MEGF10: variants seen among roughly 807,000 people sequenced by gnomAD.
The protein encoded by MEGF10 is multiple epidermal growth factor-like domains protein 10.
Under a neutral mutation model 147.5 loss-of-function variants are expected in MEGF10, and 86 were observed. The observed-to-expected ratio is 0.58, with a 90% CI of 0.49 to 0.70. MEGF10 has a LOEUF of 0.70. MEGF10 is among the 30% of genes least tolerant of loss of function. The pLI is 0.00. For synonymous variants in MEGF10, 478 were observed against 525.5 expected (o/e 0.91, Z 1.24); for missense variants, 1,329 against 1,487.3 (o/e 0.89, Z 1.75).
At chr5:127,416,308 T>C (rs538036986) in intron 9 of MEGF10, among the ~76,000 whole-genome samples, 1 of 151,758 alleles carries the variant, frequency 6.6e-6, no homozygotes, top group Non-Finnish European at 1.5e-5. Flanking sequence ...GATTACAAGT[T>C]TGAGCCACCA....
At chr5:127,303,159 A>C (rs1759847524) in intron 1 of MEGF10, among the ~76,000 whole-genome samples, 1 of 152,092 alleles carries the variant, frequency 6.6e-6, no homozygotes, top group South Asian at 2.1e-4. Context: ...CAACATGGCA[A>C]AACCCAGTCT....
chr5:127,397,270 T>C (rs1165811239), intron 6 of MEGF10, among the ~76,000 whole-genome samples: 2 of 152,214 alleles, frequency 1.3e-5, no homozygotes, highest in African/African-American at 4.8e-5. Flanking sequence ...AGATTAACTC[T>C]TAGGGATACA....
chr5:127,458,141 A>T lies in MEGF10; in HGVS notation c.*823A>T, dbSNP rs1272359841. The T allele has an allele frequency of 6.6e-6, 1 of 152,192 alleles. No individual in the cohort carries two copies. Among genetic ancestry groups the T allele is most frequent in the Non-Finnish European group, 1.5e-5 (1 of 68,034 alleles). The allele number at this position is 152,192 out of a possible 1,614,324, so 9.4% of individuals were successfully genotyped here. ...ATAACATATCAATAGTTATTTCATA[A>T]ATATAGAAATGAAATAATTTTATTT... On this transcript the variant is annotated 3_prime_UTR_variant, in exon 25 of 25. Coordinates refer to ENST00000503335, the MANE Select transcript of MEGF10 (RefSeq NM_001256545.2).
intron 11 of MEGF10, 102 bp from the exon 12 acceptor site, chr5:127,419,942 C>T: frequency 7.5e-7 from 1 of 1,339,028 alleles, no homozygotes; most frequent in South Asian, 1.4e-5. Context: ...CTGGGGCTTG[C>T]ATCTCCAAGG....
chr5:127,284,663 T>A, the MEGF10 span, among the ~76,000 whole-genome samples: 1 of 149,610 alleles, frequency 6.7e-6, no homozygotes, highest in Non-Finnish European at 1.5e-5. Context: ...ATGCCTCTTG[T>A]TGTTAGAATT....
At chr5:127,397,891 G>A (rs1410732741) in intron 6 of MEGF10, among the ~76,000 whole-genome samples, 1 of 152,180 alleles carries the variant, frequency 6.6e-6, no homozygotes, top group Non-Finnish European at 1.5e-5. Flanking sequence ...AATGGATGAT[G>A]AGAAGGAGTT....
intron 18 of MEGF10, among the ~76,000 whole-genome samples, chr5:127,441,203 C>G (rs1765745373): frequency 6.6e-6 from 1 of 152,236 alleles, no homozygotes; most frequent in Non-Finnish European, 1.5e-5. Flanking sequence ...GAGCTTTCTT[C>G]ATGGCAGAGG....
rs773359194 is a variant in MEGF10 at position 127,445,610 on chromosome 5, A to G, written c.2645A>G (p.Lys882Arg). The change falls in exon 20 of 25, where the codon AAG becomes AGG. Residue 882 changes from lysine to arginine, a missense_variant. Physicochemically the swap from Lys to Arg is conservative, Grantham distance 26. This residue lies in a region of MEGF10 where 343 missense variants were observed against 377.9 expected (regional missense o/e 0.91). Coordinates refer to ENST00000503335, the MANE Select transcript of MEGF10 (RefSeq NM_001256545.2). The part of the protein sequence containing the change: ...LLALFIIYRH[K>R]QKGKESSMPA... ...GCATTGTTCATTATTTATAGACACAAGCAGAAGGGAAAGGAATCAAGCATG... is the reference window on the plus strand; with the variant it reads ...GCATTGTTCATTATTTATAGACACAGGCAGAAGGGAAAGGAATCAAGCATG... The G allele has an allele frequency of 6.8e-6, 11 of 1,613,986 alleles. No homozygotes were observed. Among genetic ancestry groups the G allele is most frequent in the Non-Finnish European group, 9.3e-6 (11 of 1,180,036 alleles).
chr5:127,405,658 CAGTAAA>C (rs1429178929), intron 8 of MEGF10, among the ~76,000 whole-genome samples: 2 of 152,028 alleles, frequency 1.3e-5, no homozygotes, highest in East Asian at 3.9e-4. Context: ...TGACAAACAG[CAGTAAA>C]AGTAAAAATC....
chr5:127,322,971 G>GTA (rs530385300), intron 1 of MEGF10, among the ~76,000 whole-genome samples: 424 of 151,362 alleles, frequency 2.8e-3, no homozygotes, highest in African/African-American at 9.0e-3. Flanking sequence ...TACAATGTGT[G>GTA]TATATATATA....
intron 4 of MEGF10, among the ~76,000 whole-genome samples, chr5:127,353,351 G>A (rs1368200830): frequency 6.6e-6 from 1 of 152,188 alleles, no homozygotes; most frequent in African/African-American, 2.4e-5. Flanking sequence ...ACACATCTTT[G>A]AAACCCGACC....
chr5:127,455,061 G>A (rs1766307391), intron 23 of MEGF10, among the ~76,000 whole-genome samples: 1 of 152,062 alleles, frequency 6.6e-6, no homozygotes, highest in Non-Finnish European at 1.5e-5. Context: ...GAGCCCTCTT[G>A]GTGCTCCTGG....
chr5:127,372,897 A>G (rs1278422492), intron 5 of MEGF10, among the ~76,000 whole-genome samples: 1 of 152,194 alleles, frequency 6.6e-6, no homozygotes, highest in Non-Finnish European at 1.5e-5. Context: ...TACTCTGCAG[A>G]AGCAAGTCAC....
At chr5:127,380,504 CT>C (rs954262461) in intron 5 of MEGF10, among the ~76,000 whole-genome samples, 4 of 149,450 alleles carry the variant, frequency 2.7e-5, no homozygotes, top group African/African-American at 1.0e-4. Flanking sequence ...TAGACACATT[CT>C]TTTTTTTCTT....
intron 18 of MEGF10, among the ~76,000 whole-genome samples, chr5:127,441,084 A>G (rs1466205834): frequency 6.6e-6 from 1 of 152,162 alleles, no homozygotes; most frequent in Non-Finnish European, 1.5e-5. Flanking sequence ...AGGTGTGACT[A>G]CAAGAATGAA....
the MEGF10 span, among the ~76,000 whole-genome samples, chr5:127,282,903 A>T: frequency 4.6e-5 from 7 of 152,336 alleles, no homozygotes; most frequent in East Asian, 1.2e-3. Context: ...GTGAAGACTA[A>T]GGAAAGAAAT....
intron 2 of MEGF10, among the ~76,000 whole-genome samples, chr5:127,331,781 G>A (rs1694950593): frequency 6.6e-6 from 1 of 152,120 alleles, no homozygotes; most frequent in African/African-American, 2.4e-5. Context: ...GTGAGAAGTG[G>A]AAAGCAGCAT....
rs1764834264 is a variant in MEGF10, at chr5:127,417,820, A to G, written c.1305+8A>G. ...TGTGCCCCAGGATTCAAAGTGAGTG[A>G]CTAGGGCTCTGGAGGAAGGAGAAGA... On this transcript the variant is annotated splice_region_variant and intron_variant, in intron 10 of 24. Transcript: ENST00000503335. 2 of 1,613,144 alleles carry G rather than the reference A, an allele frequency of 1.2e-6. No homozygotes were observed. The highest frequency in any genetic ancestry group is 1.7e-6 in the Non-Finnish European group (2 of 1,179,840).
Position 127,312,600 on chromosome 5 carries a change from C to T in MEGF10, c.-18-18691C>T, listed in dbSNP as rs570208781. 6.1e-4 allele frequency among the ~76,000 whole-genome samples: 93 copies of T among 152,200 alleles called. 1 individual carries two copies. The highest frequency in any genetic ancestry group is 1.1e-3 in the Non-Finnish European group (78 of 68,040). ...GAAGTTCTTATCAGCAAGGATGCCTCAGAGGGAAGGTTGGATCCTTTTAGC... is the reference window on the plus strand; with the variant it reads ...GAAGTTCTTATCAGCAAGGATGCCTTAGAGGGAAGGTTGGATCCTTTTAGC... On this transcript the variant is annotated intron_variant, in intron 1 of 24. Transcript: ENST00000503335.
Sources: gnomAD v4.1 joint callset for allele counts (sites outside exome capture counted in the v4.1 genomes callset) on GRCh38, gnomAD v4.1.1 for gene constraint, gnomAD v4.1.1 regional missense constraint, MANE v1.5 for transcripts, NCBI Gene and HGNC (gene_info 2026-07-23, HGNC 2026-07-21) for gene names.